Variants in ROBO1 observed in about 807,000 individuals in gnomAD.
The protein encoded by ROBO1 is roundabout guidance receptor 1, also known as roundabout homolog 1.
In ROBO1, 149 loss-of-function variants were observed where a neutral mutation model predicts 195.9. That is an observed-to-expected ratio of 0.76 (90% CI 0.67 to 0.87). ROBO1 has a LOEUF of 0.87. Among genes scored for constraint, ROBO1 ranks in the 40% least tolerant of loss-of-function variants. ROBO1 has a pLI of 0.00. For synonymous variants in ROBO1, 816 were observed against 733.2 expected (o/e 1.11, Z -1.82); for missense variants, 1,933 against 2,068.3 (o/e 0.93, Z 1.27).
intron 3 of ROBO1, among the ~76,000 whole-genome samples, chr3:79,082,936 G>C (rs1214349575): frequency 1.3e-5 from 2 of 152,134 alleles, no homozygotes; most frequent in East Asian, 3.9e-4. Flanking sequence ...ATAGTATATT[G>C]ATCTGCTATC....
chr3:79,395,340 A>AAAAAAAAAAG (rs71631648), intron 2 of ROBO1, among the ~76,000 whole-genome samples: 6 of 119,062 alleles, frequency 5.0e-5, no homozygotes, highest in African/African-American at 6.2e-5. Context: ...AAAAAAAAAA[A>AAAAAAAAAAG]AAAGAAAGAA....
At chr3:79,663,991 C>T (rs961669398) in intron 1 of ROBO1, among the ~76,000 whole-genome samples, 7 of 152,128 alleles carry the variant, frequency 4.6e-5, no homozygotes, top group Non-Finnish European at 5.9e-5. Context: ...CTGCTGTCAA[C>T]GAATAGCTGA....
At chr3:78,975,229 C>T (rs1560069999) in intron 3 of ROBO1, among the ~76,000 whole-genome samples, 1 of 152,138 alleles carries the variant, frequency 6.6e-6, no homozygotes, top group African/African-American at 2.4e-5. Context: ...ATATCTTCCA[C>T]ACCAGCTCTG....
In ROBO1 at chr3:79,300,425, G is replaced by A. The variant is rs182642729; in HGVS notation, c.89-174886C>T. 4.6e-3 allele frequency among the ~76,000 whole-genome samples: 704 copies of A among 152,312 alleles called. 4 individuals carry two copies. The highest frequency in any genetic ancestry group is 0.016 in the African/African-American group (669 of 41,574). ...GTGCCGGCCCACCGGCGCTGCGCTC[G>A]ATTTCTCACTGGGCGTTAGCTGCCT... is the stretch of plus-strand genomic sequence containing the variant. On this transcript the variant is annotated intron_variant, in intron 2 of 30. Coordinates refer to ENST00000464233, the MANE Select transcript of ROBO1 (RefSeq NM_002941.4).
intron 1 of ROBO1, among the ~76,000 whole-genome samples, chr3:79,764,442 A>G (rs936850689): frequency 5.3e-5 from 8 of 152,206 alleles, no homozygotes; most frequent in Non-Finnish European, 1.2e-4. Flanking sequence ...TTTAGGTGGC[A>G]AGAAGGAGCT....
At chr3:79,547,940 C>T (rs1182811037) in intron 2 of ROBO1, among the ~76,000 whole-genome samples, 1 of 151,880 alleles carries the variant, frequency 6.6e-6, no homozygotes, top group Non-Finnish European at 1.5e-5. Flanking sequence ...TTCCTCTTCT[C>T]CTTTTTTTGA....
chr3:78,617,745 C>T lies in ROBO1; in HGVS notation c.4172G>A (p.Ser1391Asn), dbSNP rs904724110. ...DNISSGRSSV[S>N]SSDGSFFTDA... Reference sequence around the variant, plus strand: ...AGTGAAAAAGGAGCCGTCCGAAGAACTAACACTGGAGCGTCCGCTGGAAAT... The same window carrying T: ...AGTGAAAAAGGAGCCGTCCGAAGAATTAACACTGGAGCGTCCGCTGGAAAT... Residue 1391 changes from serine to asparagine, a missense_variant, in exon 27 of 31, where the codon AGT becomes AAT. Around this residue, in one of 3 missense-constraint regions of ROBO1, gnomAD observed 1,737 missense variants for 1,882.5 expected, o/e 0.92. Transcript: ENST00000464233. 9.3e-6 allele frequency: 15 copies of T among 1,613,872 alleles called. No individual in the cohort carries two copies. Among genetic ancestry groups the T allele is most frequent in the Non-Finnish European group, 1.3e-5 (15 of 1,179,880 alleles).
chr3:78,796,735 C>T (rs1413532344), intron 4 of ROBO1, among the ~76,000 whole-genome samples: 1 of 152,156 alleles, frequency 6.6e-6, no homozygotes, highest in Non-Finnish European at 1.5e-5. Flanking sequence ...TCCTTCCTTT[C>T]TCCTGACTGG....
At chr3:79,607,261 T>C (rs1944518373) in intron 1 of ROBO1, among the ~76,000 whole-genome samples, 1 of 151,370 alleles carries the variant, frequency 6.6e-6, no homozygotes, top group Admixed American at 6.6e-5. Flanking sequence ...TCAACTTTTA[T>C]CTTTGTGAAT....
At chr3:79,295,572 C>T (rs755342937) in intron 2 of ROBO1, among the ~76,000 whole-genome samples, 6 of 151,910 alleles carry the variant, frequency 3.9e-5, no homozygotes, top group Admixed American at 6.6e-5. Flanking sequence ...ATTCTGCACA[C>T]GTATCCCTGA....
intron 2 of ROBO1, among the ~76,000 whole-genome samples, chr3:79,133,367 G>T (rs2080328748): frequency 8.5e-6 from 1 of 118,056 alleles, no homozygotes; most frequent in Non-Finnish European, 1.7e-5. Flanking sequence ...ATATTTCTTG[G>T]AGGCTTTGCT....
chr3:78,718,157 CA>C, intron 5 of ROBO1, among the ~76,000 whole-genome samples: 1 of 152,110 alleles, frequency 6.6e-6, no homozygotes, highest in South Asian at 2.1e-4. Context: ...CCCAATCGGC[CA>C]AGTTATTTCA....
At chr3:78,602,356 G>T (rs2107243375) in intron 29 of ROBO1, among the ~76,000 whole-genome samples, 1 of 152,190 alleles carries the variant, frequency 6.6e-6, no homozygotes. Flanking sequence ...CTTCCGCCAT[G>T]ATTCTAAGCT....
rs564757105 is a variant in ROBO1, at chr3:79,638,390, T to C, written c.-50-48429A>G. On this transcript the variant is annotated intron_variant, in intron 1 of 30. Transcript: ENST00000464233. ...TTCTTAATTATGTAATGGTCTGATT[T>C]TTTTATTTTTTATTTTTTGAGACAG... is the stretch of plus-strand genomic sequence containing the variant. Among the ~76,000 whole-genome samples the C allele has an allele frequency of 1.7e-4, 26 of 152,266 alleles. No homozygotes were observed. The South Asian group carries it at 5.0e-3, about 29-fold the overall frequency.
intron 3 of ROBO1, among the ~76,000 whole-genome samples, chr3:79,037,648 T>C (rs531999091): frequency 1.3e-5 from 2 of 152,260 alleles, no homozygotes; most frequent in African/African-American, 4.8e-5. Flanking sequence ...TGTGCAAAAG[T>C]GTGTGAGGAA....
intron 3 of ROBO1, among the ~76,000 whole-genome samples, chr3:79,000,234 G>T (rs1393288065): frequency 6.6e-6 from 1 of 152,074 alleles, no homozygotes; most frequent in African/African-American, 2.4e-5. Context: ...AAGAGGAAAA[G>T]CCCCTTAGAA....
At chr3:79,075,100 C>A (rs530148457) in intron 3 of ROBO1, among the ~76,000 whole-genome samples, 9 of 151,740 alleles carry the variant, frequency 5.9e-5, no homozygotes, top group Non-Finnish European at 7.4e-5. Context: ...TGCCATGATT[C>A]CTCATCATGG....
intron 5 of ROBO1, among the ~76,000 whole-genome samples, chr3:78,746,110 AAAG>A (rs2082650511): frequency 6.6e-6 from 1 of 152,160 alleles, no homozygotes; most frequent in South Asian, 2.1e-4. Flanking sequence ...CAAAACAAAC[AAAG>A]AAGTCATATA....
intron 1 of ROBO1, among the ~76,000 whole-genome samples, chr3:79,751,336 T>G (rs943477559): frequency 6.6e-6 from 1 of 152,176 alleles, no homozygotes; most frequent in Non-Finnish European, 1.5e-5. Context: ...ATCATTAAAA[T>G]GTATTATTAA....
Sources: allele counts gnomAD v4.1 joint callset (sites outside exome capture counted in the v4.1 genomes callset), GRCh38; gene constraint gnomAD v4.1.1; regional missense constraint gnomAD v4.1.1; transcripts MANE v1.5; gene names NCBI Gene and HGNC (gene_info 2026-07-23, HGNC 2026-07-21).